NTM: variants seen among roughly 807,000 people sequenced by gnomAD.
The protein encoded by NTM is IgLON family member 2.
NTM carries 13 observed loss-of-function variants against 42.1 expected under a neutral mutation model. That is an observed-to-expected ratio of 0.31 (90% confidence interval 0.20 to 0.49). The LOEUF is 0.49. Among genes scored for constraint, NTM ranks in the 20% least tolerant of loss-of-function variants. NTM has a pLI of 0.99. For synonymous variants in NTM, 187 were observed against 179.2 expected (o/e 1.04, Z -0.35); for missense variants, 373 against 452.8 (o/e 0.82, Z 1.60).
At chr11:131,459,128 C>A (rs1314930583) in intron 1 of NTM, among the ~76,000 whole-genome samples, 1 of 152,224 alleles carries the variant, frequency 6.6e-6, no homozygotes, top group Non-Finnish European at 1.5e-5. Context: ...ATAAGCCTCC[C>A]ACATGGGGGT....
intron 1 of NTM, among the ~76,000 whole-genome samples, chr11:131,781,293 G>A (rs967335243): frequency 1.3e-5 from 2 of 151,826 alleles, no homozygotes; most frequent in Admixed American, 1.3e-4. Flanking sequence ...AAAAATTAAT[G>A]TAGAAAGCAT....
intron 1 of NTM, among the ~76,000 whole-genome samples, chr11:131,389,024 A>AAAAAAAAGAAAAG (rs774146196): frequency 1.3e-4 from 12 of 89,914 alleles, no homozygotes; most frequent in African/African-American, 4.2e-4. Flanking sequence ...AAAAAAAAAA[A>AAAAAAAAGAAAAG]AAAAGAAAAG....
At chr11:132,133,999 C>G (rs1247738609) in intron 2 of NTM, among the ~76,000 whole-genome samples, 3 of 152,294 alleles carry the variant, frequency 2.0e-5, no homozygotes, top group African/African-American at 7.2e-5. Flanking sequence ...ACACCCAAAT[C>G]TTTATTCTTT....
chr11:131,954,157 C>T (rs756356470), intron 2 of NTM, among the ~76,000 whole-genome samples: 13 of 152,198 alleles, frequency 8.5e-5, no homozygotes, highest in Admixed American at 2.6e-4. Flanking sequence ...TCTCCTGGCA[C>T]GCGATGTCCT....
At chr11:131,694,722 C>T (rs1164666767) in intron 1 of NTM, among the ~76,000 whole-genome samples, 2 of 152,078 alleles carry the variant, frequency 1.3e-5, no homozygotes, top group African/African-American at 2.4e-5. Flanking sequence ...GAGGAGCTCT[C>T]GCTGAAGGAG....
At chr11:131,924,178 A>G (rs1328525334) in intron 2 of NTM, among the ~76,000 whole-genome samples, 6 of 152,186 alleles carry the variant, frequency 3.9e-5, no homozygotes, top group African/African-American at 1.2e-4. Flanking sequence ...TGCACACTCT[A>G]CAGTTACACA....
intron 1 of NTM, among the ~76,000 whole-genome samples, chr11:131,895,305 C>T (rs1819666083): frequency 6.6e-6 from 1 of 152,126 alleles, no homozygotes; most frequent in African/African-American, 2.4e-5. Flanking sequence ...TGGAAGTAAC[C>T]ATACATTTCA....
chr11:131,666,635 T>C lies in NTM; in HGVS notation c.83-244929T>C, dbSNP rs139313503. 4.8e-3 allele frequency among the ~76,000 whole-genome samples: 734 copies of C among 152,292 alleles called. 9 individuals are homozygous for C. Among genetic ancestry groups the C allele is most frequent in the African/African-American group, 0.017 (694 of 41,560 alleles). ...ATGCCTATGATCTCTGGGCAGAGGT[T>C]GACTGAAAGCCAAGTAGCCCTGGAT... On this transcript the variant is annotated intron_variant, in intron 1 of 8. Coordinates refer to ENST00000683400, the MANE Select transcript of NTM (RefSeq NM_001352005.2).
At chr11:132,333,727 G>A (rs2136493259) in intron 8 of NTM, among the ~76,000 whole-genome samples, 1 of 152,264 alleles carries the variant, frequency 6.6e-6, no homozygotes, top group African/African-American at 2.4e-5. Context: ...AGACACCAGG[G>A]AAACATGAGG....
chr11:131,422,592 G>A (rs1346132503), intron 1 of NTM, among the ~76,000 whole-genome samples: 4 of 152,120 alleles, frequency 2.6e-5, no homozygotes, highest in African/African-American at 7.2e-5. Context: ...AGTAAATTGG[G>A]CCATCCTCCC....
intron 2 of NTM, among the ~76,000 whole-genome samples, chr11:131,934,808 G>A (rs1194061313): frequency 6.6e-6 from 1 of 152,188 alleles, no homozygotes; most frequent in Non-Finnish European, 1.5e-5. Context: ...CCCTGTGTGT[G>A]CAGCAGCATA....
chr11:132,325,458 C>A (rs1367268434), intron 7 of NTM, among the ~76,000 whole-genome samples: 2 of 152,144 alleles, frequency 1.3e-5, no homozygotes, highest in African/African-American at 4.8e-5. Flanking sequence ...AAATCAAAAC[C>A]ACAGTGAGAT....
chr11:131,954,956 C>T (rs1226863335), intron 2 of NTM, among the ~76,000 whole-genome samples: 1 of 152,138 alleles, frequency 6.6e-6, no homozygotes, highest in Non-Finnish European at 1.5e-5. Flanking sequence ...TAGTAATGCT[C>T]AGTGGTGAGA....
At chr11:131,399,824 C>G (rs1944935511) in intron 1 of NTM, among the ~76,000 whole-genome samples, 1 of 152,134 alleles carries the variant, frequency 6.6e-6, no homozygotes, top group African/African-American at 2.4e-5. Context: ...GGCTCTTCCT[C>G]CAGCATAGAA....
intron 1 of NTM, among the ~76,000 whole-genome samples, chr11:131,453,541 TA>T (rs35668574): frequency 3.3e-5 from 5 of 150,714 alleles, no homozygotes; most frequent in East Asian, 2.0e-4. Flanking sequence ...AGACTTTCAT[TA>T]AAAAAAAATA....
intron 1 of NTM, among the ~76,000 whole-genome samples, chr11:131,493,330 A>G (rs1232785234): frequency 6.6e-6 from 1 of 152,202 alleles, no homozygotes; most frequent in African/African-American, 2.4e-5. Context: ...AGATCATGGA[A>G]CCATACATTA....
At chr11:131,570,194 G>A (rs1482131693) in intron 1 of NTM, among the ~76,000 whole-genome samples, 1 of 152,184 alleles carries the variant, frequency 6.6e-6, no homozygotes, top group Admixed American at 6.5e-5. Context: ...GCAGATTCTT[G>A]GACCTCAGCT....
intron 1 of NTM, among the ~76,000 whole-genome samples, chr11:131,501,272 A>T (rs1405653747): frequency 6.6e-6 from 1 of 152,040 alleles, no homozygotes. Context: ...TAAAGGCAGG[A>T]GGGGCAGCCT....
Position 131,789,562 on chromosome 11 carries a change from G to GA in NTM, c.83-122000dup, listed in dbSNP as rs2090316559. 7.5e-5 allele frequency among the ~76,000 whole-genome samples: 2 copies of GA among 26,514 alleles called. 1 individual carries two copies. The highest frequency in any genetic ancestry group is 4.7e-4 in the African/African-American group (2 of 4,222). The allele number at this position is 26,514 out of a possible 152,430, so 17.4% of individuals were successfully genotyped here. On this transcript the variant is annotated intron_variant, in intron 1 of 8. Transcript: ENST00000683400. ...AAGAAGAAGAAAAGAAGAAGAAGAA[G>GA]AAGAAGAAGAAGAAGAAGAAGAAGA...
Sources: allele counts gnomAD v4.1 joint callset (sites outside exome capture counted in the v4.1 genomes callset), GRCh38; gene constraint gnomAD v4.1.1; transcripts MANE v1.5; gene names NCBI Gene and HGNC (gene_info 2026-07-23, HGNC 2026-07-21).